The following UBE2E2 variants were observed in gnomAD, a reference collection of about 807,000 sequenced individuals.
UBE2E2 encodes ubiquitin-conjugating enzyme E2 E2.
UBE2E2 carries 6 observed loss-of-function variants against 24.7 expected under a neutral mutation model. The observed-to-expected ratio is 0.24, with a 90% CI of 0.13 to 0.48. The LOEUF is 0.48. Ranked by LOEUF, UBE2E2 falls within the 20% of genes least tolerant of loss-of-function variation. The pLI, the probability that UBE2E2 is intolerant of heterozygous loss-of-function variation, is 0.99. For synonymous variants in UBE2E2, 104 were observed against 83.6 expected, an observed-to-expected ratio of 1.24 and a Z score of -1.33; for missense variants, 169 against 245.0, an observed-to-expected ratio of 0.69 and a Z score of 2.07.
intron 3 of UBE2E2, among the ~76,000 whole-genome samples, chr3:23,436,060 C>A (rs1456813335): frequency 6.6e-6 from 1 of 152,100 alleles, no homozygotes; most frequent in Admixed American, 6.5e-5. Context: ...GCTGATCTGA[C>A]AGAGGTGGAA....
At chr3:23,388,364 C>G (rs1251378978) in intron 3 of UBE2E2, among the ~76,000 whole-genome samples, 2 of 152,158 alleles carry the variant, frequency 1.3e-5, no homozygotes, top group East Asian at 3.8e-4. Flanking sequence ...ATTCTCTCTG[C>G]TAATTAATAT....
At chr3:23,454,077 G>A (rs1698624083) in intron 3 of UBE2E2, among the ~76,000 whole-genome samples, 1 of 152,240 alleles carries the variant, frequency 6.6e-6, no homozygotes, top group East Asian at 1.9e-4. Flanking sequence ...TAGAATCATA[G>A]ACTCCTAGAA....
At chr3:23,588,495 C>A (rs572269403) in intron 5 of UBE2E2, among the ~76,000 whole-genome samples, 1 of 149,550 alleles carries the variant, frequency 6.7e-6, no homozygotes, top group African/African-American at 2.5e-5. Flanking sequence ...TAGCTCACTA[C>A]AGACTCAAAC....
chr3:23,382,178 A>ATTTTTTTT (rs10645761), intron 3 of UBE2E2, among the ~76,000 whole-genome samples: 12 of 110,788 alleles, frequency 1.1e-4, no homozygotes, highest in Admixed American at 2.4e-4. Flanking sequence ...GAATACTTTA[A>ATTTTTTTT]TTTTTTTTTT....
intron 3 of UBE2E2, among the ~76,000 whole-genome samples, chr3:23,401,617 T>G (rs2125371694): frequency 6.6e-6 from 1 of 152,248 alleles, no homozygotes; most frequent in South Asian, 2.1e-4. Flanking sequence ...CTTCCCTTAA[T>G]TAATATCTTC....
At chr3:23,348,763 G>C (rs1458619833) in intron 3 of UBE2E2, among the ~76,000 whole-genome samples, 1 of 152,156 alleles carries the variant, frequency 6.6e-6, no homozygotes, top group Admixed American at 6.5e-5. Context: ...AAAGGCCAAA[G>C]AGTAATCCCT....
intron 3 of UBE2E2, among the ~76,000 whole-genome samples, chr3:23,243,914 T>C (rs571188914): frequency 2.2e-4 from 34 of 152,238 alleles, no homozygotes; most frequent in Non-Finnish European, 3.8e-4. Context: ...GATCGTTCTT[T>C]TACCTGTGTA....
chr3:23,387,810 C>T (rs556032175), intron 3 of UBE2E2, among the ~76,000 whole-genome samples: 5 of 152,246 alleles, frequency 3.3e-5, no homozygotes, highest in South Asian at 4.1e-4. Flanking sequence ...TTGTCTCTGG[C>T]GAATTCCTGT....
intron 4 of UBE2E2, among the ~76,000 whole-genome samples, chr3:23,530,341 G>A (rs921161241): frequency 1.1e-4 from 16 of 152,080 alleles, no homozygotes; most frequent in African/African-American, 3.9e-4. Flanking sequence ...TGGTGAAAAT[G>A]TCCCTCTTTG....
chr3:23,328,400 A>T (rs1694965666), intron 3 of UBE2E2, among the ~76,000 whole-genome samples: 1 of 152,226 alleles, frequency 6.6e-6, no homozygotes, highest in South Asian at 2.1e-4. Context: ...AGTGAGTTAC[A>T]GGAAATGTTC....
At chr3:23,476,679 C>G (rs939815519) in intron 3 of UBE2E2, among the ~76,000 whole-genome samples, 1 of 151,946 alleles carries the variant, frequency 6.6e-6, no homozygotes, top group African/African-American at 2.4e-5. Context: ...CAGAGCAAGA[C>G]CCTGTCTCAA....
At chr3:23,364,645 C>T (rs1352198890) in intron 3 of UBE2E2, among the ~76,000 whole-genome samples, 2 of 152,080 alleles carry the variant, frequency 1.3e-5, no homozygotes, top group Non-Finnish European at 2.9e-5. Context: ...GCCTGCCAAT[C>T]ACAAAAATCC....
chr3:23,251,828 G>A (rs567648254), intron 3 of UBE2E2, among the ~76,000 whole-genome samples: 3 of 152,108 alleles, frequency 2.0e-5, no homozygotes, highest in Non-Finnish European at 4.4e-5. Context: ...GCTAGGGTAA[G>A]GTTACCAGCA....
intron 3 of UBE2E2, among the ~76,000 whole-genome samples, chr3:23,482,814 T>A (rs1699285976): frequency 6.6e-6 from 1 of 152,190 alleles, no homozygotes; most frequent in Non-Finnish European, 1.5e-5. Context: ...TCTCACTTAG[T>A]TGTCACTAAG....
intron 3 of UBE2E2, among the ~76,000 whole-genome samples, chr3:23,489,335 T>A (rs1210780126): frequency 6.6e-6 from 1 of 152,152 alleles, no homozygotes; most frequent in African/African-American, 2.4e-5. Flanking sequence ...TGGTCCCATC[T>A]GTGGGTGATG....
chr3:23,380,946 G>A (rs1213571734), intron 3 of UBE2E2, among the ~76,000 whole-genome samples: 5 of 152,150 alleles, frequency 3.3e-5, no homozygotes, highest in Admixed American at 6.5e-5. Context: ...TTTGGGAACC[G>A]TTTGAGTTAA....
chr3:23,360,142 A>G (rs1421417262), intron 3 of UBE2E2, among the ~76,000 whole-genome samples: 1 of 152,186 alleles, frequency 6.6e-6, no homozygotes, highest in Non-Finnish European at 1.5e-5. Context: ...GGGCCTAAGT[A>G]TTTGAATATT....
At chr3:23,326,922 T>C (rs1173896727) in intron 3 of UBE2E2, among the ~76,000 whole-genome samples, 1 of 152,122 alleles carries the variant, frequency 6.6e-6, no homozygotes, top group Admixed American at 6.5e-5. Context: ...GAACATGCGA[T>C]GTTTGGTTTT....
chr3:23,472,653 C>CTT (rs572862770), intron 3 of UBE2E2, among the ~76,000 whole-genome samples: 4,132 of 143,508 alleles, frequency 0.029, 104 homozygotes, highest in East Asian at 0.12. Context: ...ATCTGTAACA[C>CTT]TTTTTTTTTT....
Sources: allele counts gnomAD v4.1 joint callset (sites outside exome capture counted in the v4.1 genomes callset), GRCh38; gene constraint gnomAD v4.1.1; transcripts MANE v1.5; gene names NCBI Gene and HGNC (gene_info 2026-07-23, HGNC 2026-07-21).